The following SERPINB13 variants were observed in gnomAD, a reference collection of about 807,000 sequenced individuals.
SERPINB13 encodes serpin family B member 13.
A neutral mutation model predicts 31.2 loss-of-function variants in SERPINB13; 26 were observed. The observed-to-expected ratio is 0.83, with a 90% CI of 0.61 to 1.15. The LOEUF (loss-of-function observed/expected upper bound fraction) is 1.15. SERPINB13 is among the 50% of genes most tolerant of loss of function. SERPINB13 has a pLI of 0.00. For synonymous variants in SERPINB13, 191 were observed against 172.4 expected, an observed-to-expected ratio of 1.11 and a Z score of -0.85; for missense variants, 510 against 469.4, an observed-to-expected ratio of 1.09 and a Z score of -0.80.
intron 2 of SERPINB13, among the ~76,000 whole-genome samples, chr18:63,589,254 C>T (rs1205627844): frequency 2.6e-5 from 4 of 152,108 alleles, no homozygotes; most frequent in African/African-American, 9.7e-5. Context: ...CTCCTGACCT[C>T]AGGTGATCCA....
rs757540306 is a variant in SERPINB13 at position 63,592,976 on chromosome 18, A to G, written c.472+5A>G. 6.5e-7 allele frequency: 1 copy of G among 1,538,214 alleles called. No individual in the cohort carries two copies. The highest frequency in any genetic ancestry group is 8.9e-7 in the Non-Finnish European group (1 of 1,127,252). ...GGGTTGAAAGCAAAACAAATGGTAG[A>G]GTATGGGTGGGTCATTCATTGCAAA... On this transcript the variant is annotated splice_donor_5th_base_variant and intron_variant, in intron 5 of 7. Coordinates refer to ENST00000344731, the MANE Select transcript of SERPINB13 (RefSeq NM_012397.4).
At position 63,593,143 on chromosome 18, in the gene SERPINB13, G is replaced by C. The variant is rs142778860; in HGVS notation, c.472+172G>C. Among the ~76,000 whole-genome samples, 552 of 152,296 alleles carry C rather than the reference G, an allele frequency of 3.6e-3. 4 individuals are homozygous for C. Among genetic ancestry groups the C allele is most frequent in the African/African-American group, 0.013 (530 of 41,570 alleles). On this transcript the variant is annotated intron_variant, in intron 5 of 7. Transcript: ENST00000344731. ...ACTTGAGATAGGTTTTGCAGGGTTG[G>C]AAGGGCAAGCCCAGGCCTAGGAGGT...
At chr18:63,587,614 T>C (rs1911588765) in intron 1 of SERPINB13, among the ~76,000 whole-genome samples, 164 bp downstream of exon 1, 1 of 152,262 alleles carries the variant, frequency 6.6e-6, no homozygotes, top group African/African-American at 2.4e-5. Flanking sequence ...GACAGTAAAT[T>C]AATCCATTTT....
chr18:63,596,641 T>C (rs1045222833), intron 7 of SERPINB13, among the ~76,000 whole-genome samples: 2 of 152,202 alleles, frequency 1.3e-5, no homozygotes, highest in African/African-American at 4.8e-5. Flanking sequence ...ATTGCAACTA[T>C]GTAAATATAT....
chr18:63,592,971 G>A lies in SERPINB13; in HGVS notation c.472G>A (p.Glu158Lys). Residue 158 changes from glutamate to lysine, a missense_variant and splice_region_variant, in exon 5 of 8, where the codon GAA (glutamate) becomes AAA (lysine). Glu to Lys is a moderately conservative substitution (Grantham distance 56). Transcript: ENST00000344731. ...INSWVESKTN[E>K]KIKDLFPDGS... Reference sequence around the variant, plus strand: ...TTCCTGGGTTGAAAGCAAAACAAATGGTAGAGTATGGGTGGGTCATTCATT... The same window carrying A: ...TTCCTGGGTTGAAAGCAAAACAAATAGTAGAGTATGGGTGGGTCATTCATT... 6.4e-7 allele frequency: 1 copy of A among 1,570,100 alleles called. No homozygotes were observed. The highest frequency in any genetic ancestry group is 8.7e-7 in the Non-Finnish European group (1 of 1,145,188).
Position 63,592,840 on chromosome 18 carries a change from T to G in SERPINB13, c.355-14T>G. On this transcript the variant is annotated splice_polypyrimidine_tract_variant and intron_variant, in intron 4 of 7. Coordinates refer to ENST00000344731, the MANE Select transcript of SERPINB13 (RefSeq NM_012397.4). ...TTTTAACCTCTTTTTATTCCTTCCT[T>G]GTTTCTCCTAAAGAAATACTTAGAT... is the stretch of plus-strand genomic sequence containing the variant. The G allele has an allele frequency of 6.7e-7, 1 of 1,491,088 alleles. No individual in the cohort carries two copies. The highest frequency in any genetic ancestry group is 9.2e-7 in the Non-Finnish European group (1 of 1,085,010). 92.4% of individuals were successfully genotyped at this position (1,491,088 alleles called of 1,614,324 possible).
rs774716243 is a variant in SERPINB13 at position 63,593,082 on chromosome 18, G to A, written c.472+111G>A. 4.2e-5 allele frequency: 30 copies of A among 719,350 alleles called. 1 individual carries two copies. The highest frequency in any genetic ancestry group is 7.2e-5 in the South Asian group (4 of 55,758). 44.6% of individuals were successfully genotyped at this position (719,350 alleles called of 1,614,324 possible). On this transcript the variant is annotated intron_variant, in intron 5 of 7. Coordinates refer to ENST00000344731, the MANE Select transcript of SERPINB13 (RefSeq NM_012397.4). ...AATGAAGCCCTGGACTTGTCACTGCGTGGGGTGCCATGCAGTGCACAAGCT... is the reference window on the plus strand; with the variant it reads ...AATGAAGCCCTGGACTTGTCACTGCATGGGGTGCCATGCAGTGCACAAGCT...
At position 63,597,585 on chromosome 18, in the gene SERPINB13, C is replaced by G. The variant is rs917776115; in HGVS notation, c.*222C>G. On this transcript the variant is annotated 3_prime_UTR_variant, in exon 8 of 8. Transcript: ENST00000344731. ...GTGCCATGCGTAAGGTGAGTCAAAC[C>G]AAACCTCATTGATAATCTCCCTTTG... The G allele has an allele frequency of 2.0e-6, 1 of 498,322 alleles. No individual in the cohort carries two copies. The highest frequency in any genetic ancestry group is 3.5e-6 in the Non-Finnish European group (1 of 283,938). 30.9% of individuals were successfully genotyped at this position (498,322 alleles called of 1,614,324 possible).
At chr18:63,588,910 T>A in intron 2 of SERPINB13, 78 bp downstream of exon 2, 1 of 1,454,792 alleles carries the variant, frequency 6.9e-7, no homozygotes, top group Non-Finnish European at 9.3e-7. Flanking sequence ...CCTCTTGCAT[T>A]ATCTTAAAAA....
intron 7 of SERPINB13, 57 bp from the exon 8 acceptor site, chr18:63,596,902 C>CTGTTTTA (rs936798594): frequency 7.2e-7 from 1 of 1,393,740 alleles, no homozygotes; most frequent in African/African-American, 1.4e-5. Context: ...CAGTGTTACA[C>CTGTTTTA]TGTTTTAGAT....
intron 1 of SERPINB13, among the ~76,000 whole-genome samples, chr18:63,588,314 G>C (rs1272897348): frequency 1.3e-5 from 2 of 152,184 alleles, no homozygotes; most frequent in African/African-American, 4.8e-5. Context: ...GTCTACCTGG[G>C]GAAGCTTCCA....
At chr18:63,593,069 G>A (rs1911951919) in intron 5 of SERPINB13, 98 bp downstream of exon 5, 3 of 776,146 alleles carry the variant, frequency 3.9e-6, no homozygotes, top group South Asian at 1.7e-5. Flanking sequence ...TGAAGCCCTG[G>A]ACTTGTCACT....
At position 63,592,934 on chromosome 18, in the gene SERPINB13, AAAG is replaced by A. The variant is rs1161184014; in HGVS notation, c.440_442del (p.Lys147del). On this transcript the variant is annotated inframe_deletion, in exon 5 of 8. Coordinates refer to ENST00000344731, the MANE Select transcript of SERPINB13 (RefSeq NM_012397.4). ...TTGTAAATGCAGCCGATGAAAGTCG[AAAG>A]AAGATTAATTCCTGGGTTGAAAGCA... is the stretch of plus-strand genomic sequence containing the variant. 4 of 1,613,322 alleles carry A rather than the reference AAAG, an allele frequency of 2.5e-6. No individual in the cohort carries two copies. In the African/African-American group the frequency reaches 4.0e-5, roughly 16 times the overall value.
Position 63,589,781 on chromosome 18 carries a change from T to C in SERPINB13, c.225+66T>C, listed in dbSNP as rs1485757158. 27 of 1,611,322 alleles carry C rather than the reference T, an allele frequency of 1.7e-5. No homozygotes were observed. The Admixed American group carries it at 4.4e-4, about 26-fold the overall frequency. On this transcript the variant is annotated intron_variant, in intron 3 of 7. Coordinates refer to ENST00000344731, the MANE Select transcript of SERPINB13 (RefSeq NM_012397.4). ...TTTTACAAACTTCAGTAGAGTTGCA[T>C]TTTAGGTGTGGGGTCTCTGGGGAAA...
At position 63,597,951 on chromosome 18, in the gene SERPINB13, T is replaced by C. The variant is rs1912285202; in HGVS notation, c.*588T>C. The C allele has an allele frequency of 6.6e-6, 1 of 152,472 alleles. No individual in the cohort carries two copies. Among genetic ancestry groups the C allele is most frequent in the South Asian group, 2.1e-4 (1 of 4,840 alleles). The allele number at this position is 152,472 out of a possible 1,614,324, so 9.4% of individuals were successfully genotyped here. On this transcript the variant is annotated 3_prime_UTR_variant, in exon 8 of 8. Coordinates refer to ENST00000344731, the MANE Select transcript of SERPINB13 (RefSeq NM_012397.4). ...CATTCTAACATTATCCATTGTTAGA[T>C]GCATAAGCATTTTGATATTGTGTAA...
chr18:63,596,577 T>G (rs554272296), intron 7 of SERPINB13, among the ~76,000 whole-genome samples: 1 of 152,304 alleles, frequency 6.6e-6, no homozygotes, highest in East Asian at 1.9e-4. Flanking sequence ...AGGAGAGATA[T>G]GCAATATTGT....
Position 63,596,999 on chromosome 18 carries a change from C to T in SERPINB13, c.812C>T (p.Thr271Ile). Reference sequence around the variant, plus strand: ...AGTCCTGAGAAATTGGTAGAGTGGACTAGTCCAGGGCATATGGAAGAAAGA... The same window carrying T: ...AGTCCTGAGAAATTGGTAGAGTGGATTAGTCCAGGGCATATGGAAGAAAGA... ...KISPEKLVEW[T>I]SPGHMEERKV... Residue 271 changes from threonine (T) to isoleucine (I), a missense_variant, in exon 8 of 8, where the codon ACT becomes ATT. Coordinates refer to ENST00000344731, the MANE Select transcript of SERPINB13 (RefSeq NM_012397.4). 6.2e-7 allele frequency: 1 copy of T among 1,613,856 alleles called. No homozygotes were observed. Among genetic ancestry groups the T allele is most frequent in the Non-Finnish European group, 8.5e-7 (1 of 1,179,848 alleles).
At chr18:63,587,672 G>T (rs1911591997) in intron 1 of SERPINB13, among the ~76,000 whole-genome samples, 1 of 152,268 alleles carries the variant, frequency 6.6e-6, no homozygotes, top group African/African-American at 2.4e-5. Flanking sequence ...ACCTGAGGTT[G>T]AAATGAAAGC....
chr18:63,589,462 C>CAT (rs1555678811), intron 2 of SERPINB13, among the ~76,000 whole-genome samples, 194 bp from the exon 3 acceptor site: 2 of 101,450 alleles, frequency 2.0e-5, no homozygotes, highest in Non-Finnish European at 5.3e-5. Context: ...CACACACACA[C>CAT]ACACACACAC....
Sources: gnomAD v4.1 joint callset for allele counts (sites outside exome capture counted in the v4.1 genomes callset) on GRCh38, gnomAD v4.1.1 for gene constraint, MANE v1.5 for transcripts, NCBI Gene and HGNC (gene_info 2026-07-23, HGNC 2026-07-21) for gene names.